Variants in CAND1 observed in about 807,000 individuals in gnomAD.
The protein encoded by CAND1 is cullin associated and neddylation dissociated 1.
Under a neutral mutation model 108.5 loss-of-function variants are expected in CAND1, and 7 were observed. The ratio of observed to expected loss-of-function variants is 0.06; its 90% confidence interval spans 0.04 to 0.12. The LOEUF (loss-of-function observed/expected upper bound fraction) is 0.12, where lower values mean the gene tolerates loss of function less well. CAND1 is among the 10% of genes least tolerant of loss of function. CAND1 has a pLI of 1.00. For missense variants in CAND1, 941 were observed against 1,448.7 expected (o/e 0.65, Z 5.69); for synonymous variants, 534 against 512.0 (o/e 1.04, Z -0.58).
intron 2 of CAND1, among the ~76,000 whole-genome samples, chr12:67,286,669 T>A (rs751167071): frequency 4.6e-5 from 7 of 152,090 alleles, no homozygotes; most frequent in Non-Finnish European, 1.0e-4. Flanking sequence ...TTAGTTTGAT[T>A]TAATTTATAA....
rs191786054 is a variant in CAND1, at chr12:67,308,808, G to A, written c.3026-1093G>A. On this transcript the variant is annotated intron_variant, in intron 11 of 14. Coordinates refer to ENST00000545606, the MANE Select transcript of CAND1 (RefSeq NM_018448.5). ...TTTATATTGTTTTTGAAACCACGCTGTTTCTCAGACTTTTTTTTTTAAATC... is the reference window on the plus strand; with the variant it reads ...TTTATATTGTTTTTGAAACCACGCTATTTCTCAGACTTTTTTTTTTAAATC... Among the ~76,000 whole-genome samples the A allele has an allele frequency of 5.3e-4, 81 of 151,854 alleles. 1 individual carries two copies. Among genetic ancestry groups the A allele is most frequent in the African/African-American group, 1.7e-3 (70 of 41,466 alleles).
At chr12:67,290,403 TG>T (rs2044711826) in intron 2 of CAND1, among the ~76,000 whole-genome samples, 1 of 151,828 alleles carries the variant, frequency 6.6e-6, no homozygotes, top group Non-Finnish European at 1.5e-5. Flanking sequence ...CCCAGCTACT[TG>T]GGAGGCTGAG....
At chr12:67,278,520 A>G (rs1223461232) in intron 1 of CAND1, among the ~76,000 whole-genome samples, 2 of 151,658 alleles carry the variant, frequency 1.3e-5, no homozygotes, top group Non-Finnish European at 1.5e-5. Context: ...TGTTTATATG[A>G]TAGTGCTTTC....
intron 8 of CAND1, 87 bp downstream of exon 8, chr12:67,302,702 A>G (rs1030165565): frequency 5.1e-6 from 6 of 1,174,118 alleles, no homozygotes; most frequent in Middle Eastern, 2.0e-4. Context: ...GAGTTCCAGA[A>G]TATCTATAGA....
chr12:67,305,485 C>T lies in CAND1; in HGVS notation c.1817C>T (p.Ser606Phe). Reference sequence around the variant, plus strand: ...TGCAACCTTGGAGACAATTTGGGTTCTGACTTGCCTAATACACTTCAGATT... The same window carrying T: ...TGCAACCTTGGAGACAATTTGGGTTTTGACTTGCCTAATACACTTCAGATT... ...IICNLGDNLG[S>F]DLPNTLQIFL... Residue 606 changes from serine to phenylalanine, a missense_variant, in exon 10 of 15, where the codon TCT becomes TTT. By Grantham distance (155) the Ser-to-Phe change is radical. Transcript: ENST00000545606. This position sits in a 1 kb window ranked among gnomAD's most constrained non-coding sequence, Gnocchi z 4.4. The T allele has an allele frequency of 6.2e-7, 1 of 1,613,718 alleles. No individual in the cohort carries two copies. The highest frequency in any genetic ancestry group is 8.5e-7 in the Non-Finnish European group (1 of 1,180,000).
At chr12:67,269,969 C>A in intron 1 of CAND1, 184 bp downstream of exon 1, 3 of 550,762 alleles carry the variant, frequency 5.4e-6, no homozygotes, top group Non-Finnish European at 6.4e-6. Context: ...CCTCTTGCAA[C>A]CCCCTCCCCC....
At chr12:67,285,840 T>C (rs1334604780) in intron 2 of CAND1, among the ~76,000 whole-genome samples, 1 of 152,198 alleles carries the variant, frequency 6.6e-6, no homozygotes, top group African/African-American at 2.4e-5. Flanking sequence ...AGTTCATCCA[T>C]GTTGTGTATA....
At chr12:67,288,280 C>T (rs2044691279) in intron 2 of CAND1, among the ~76,000 whole-genome samples, 1 of 151,848 alleles carries the variant, frequency 6.6e-6, no homozygotes. Context: ...AGGCGCACAC[C>T]ATCTCACTTG....
At chr12:67,300,394 A>C (rs981672434) in intron 7 of CAND1, among the ~76,000 whole-genome samples, 5 of 152,088 alleles carry the variant, frequency 3.3e-5, no homozygotes, top group African/African-American at 1.2e-4. Context: ...GTGAATCCAG[A>C]TTCATATGCA....
intron 7 of CAND1, among the ~76,000 whole-genome samples, chr12:67,300,671 T>G (rs1565725171): frequency 6.6e-6 from 1 of 152,152 alleles, no homozygotes; most frequent in African/African-American, 2.4e-5. Context: ...ATACTGTAAT[T>G]GATGGTCTCC....
intron 2 of CAND1, 158 bp downstream of exon 2, chr12:67,282,211 G>A (rs916530228): frequency 1.5e-6 from 1 of 649,366 alleles, no homozygotes; most frequent in African/African-American, 1.9e-5. Flanking sequence ...GTTTGTATAT[G>A]GTATATATAG....
intron 3 of CAND1, among the ~76,000 whole-genome samples, chr12:67,293,855 C>CA (rs1307576725): frequency 2.0e-5 from 3 of 152,178 alleles, no homozygotes; most frequent in Non-Finnish European, 4.4e-5. Flanking sequence ...ATGCTAAAGG[C>CA]TGCATACGTA....
chr12:67,279,054 G>A (rs773412331), intron 1 of CAND1, among the ~76,000 whole-genome samples: 3 of 151,392 alleles, frequency 2.0e-5, no homozygotes, highest in Non-Finnish European at 4.4e-5. Flanking sequence ...AGTATATAAC[G>A]CCATTCCCAT....
chr12:67,269,464 C>G lies in CAND1; in HGVS notation c.-254C>G. The G allele has an allele frequency of 2.0e-6, 1 of 502,388 alleles. No individual in the cohort carries two copies. The highest frequency in any genetic ancestry group is 3.5e-6 in the Non-Finnish European group (1 of 288,530). 31.1% of individuals were successfully genotyped at this position (502,388 alleles called of 1,614,324 possible). On this transcript the variant is annotated 5_prime_UTR_variant, in exon 1 of 15. Coordinates refer to ENST00000545606, the MANE Select transcript of CAND1 (RefSeq NM_018448.5). ...TTCTGTACGCCCCGCCGCCCATGAGCTCGTTCTCACGCGAACAGCGCCGTC... is the reference window on the plus strand; with the variant it reads ...TTCTGTACGCCCCGCCGCCCATGAGGTCGTTCTCACGCGAACAGCGCCGTC...
At chr12:67,306,627 G>T (rs2044889084) in intron 10 of CAND1, 30 bp downstream of exon 10, 5 of 1,514,944 alleles carry the variant, frequency 3.3e-6, no homozygotes, top group Non-Finnish European at 2.7e-6. Context: ...TACTTAAAAA[G>T]TTTTTTATTG....
chr12:67,284,148 A>C (rs2135997070), intron 2 of CAND1, among the ~76,000 whole-genome samples: 1 of 152,278 alleles, frequency 6.6e-6, no homozygotes, highest in Non-Finnish European at 1.5e-5. Context: ...CGTCTTTAAA[A>C]CCTCAAAGAA....
chr12:67,315,035 T>C lies in CAND1; in HGVS notation c.*2205T>C, dbSNP rs1204634553. ...ATGCTACTTACTAGTAATATTAAGG[T>C]GTTAAACTTAGGAATTTGTCACATG... is the stretch of plus-strand genomic sequence containing the variant. On this transcript the variant is annotated 3_prime_UTR_variant, in exon 15 of 15. Coordinates refer to ENST00000545606, the MANE Select transcript of CAND1 (RefSeq NM_018448.5). The C allele has an allele frequency of 6.6e-6, 1 of 152,198 alleles. No individual in the cohort carries two copies. The highest frequency in any genetic ancestry group is 2.4e-5 in the African/African-American group (1 of 41,436). 9.4% of individuals were successfully genotyped at this position (152,198 alleles called of 1,614,324 possible).
chr12:67,290,691 T>C (rs2044714305), intron 2 of CAND1, among the ~76,000 whole-genome samples: 1 of 152,186 alleles, frequency 6.6e-6, no homozygotes. Context: ...TGGTTAAGTT[T>C]TTGAAGATAG....
chr12:67,276,845 G>A (rs1163774408), intron 1 of CAND1, among the ~76,000 whole-genome samples: 1 of 152,184 alleles, frequency 6.6e-6, no homozygotes, highest in African/African-American at 2.4e-5. Flanking sequence ...CCCACTTTTG[G>A]CCAAGGGTAG....
Sources: gnomAD v4.1 joint callset for allele counts (sites outside exome capture counted in the v4.1 genomes callset) on GRCh38, gnomAD v4.1.1 for gene constraint, Gnocchi (gnomAD v3.1) non-coding constraint, MANE v1.5 for transcripts, NCBI Gene and HGNC (gene_info 2026-07-23, HGNC 2026-07-21) for gene names.